GPR78: variants seen among roughly 807,000 people sequenced by gnomAD.
GPR78 encodes G protein-coupled receptor 78.
In GPR78, 29 loss-of-function variants were observed where a neutral mutation model predicts 17.9. The observed-to-expected ratio is 1.62, with a 90% CI of 1.20 to 2.21. The LOEUF is 2.21. Among genes scored for constraint, GPR78 ranks in the 30% most tolerant of loss-of-function variants. GPR78 has a pLI of 0.00. For synonymous variants in GPR78, 349 were observed against 256.9 expected (o/e 1.36, Z -3.43); for missense variants, 649 against 530.5 (o/e 1.22, Z -2.19).
Position 8,581,360 on chromosome 4 carries a change from G to C in GPR78, c.378G>C (p.Leu126=). The C allele has an allele frequency of 1.3e-6, 2 of 1,580,840 alleles. No individual in the cohort carries two copies. Among genetic ancestry groups the C allele is most frequent in the South Asian group, 2.3e-5 (2 of 88,508 alleles). ...TGCGACCGCGCTATGCCGGCCTGCTGCTGGGCTGTGCCTGGGGACAGTCGC... is the reference window on the plus strand; with the variant it reads ...TGCGACCGCGCTATGCCGGCCTGCTCCTGGGCTGTGCCTGGGGACAGTCGC... ...GRLRPRYAGL[L]LGCAWGQSLA... Residue 126 remains leucine, a synonymous_variant, in exon 1 of 3, where the codon CTG becomes CTC. Transcript: ENST00000382487.
In GPR78 at chr4:8,582,556, C is replaced by A. The variant is rs1401948451; in HGVS notation, c.694C>A (p.Gln232Lys). Residue 232 changes from glutamine (Q) to lysine (K), a missense_variant, in exon 2 of 3, where the codon CAG becomes AAG. Coordinates refer to ENST00000382487, the MANE Select transcript of GPR78 (RefSeq NM_080819.5). ...PSVRQRCLIQ[Q>K]KRRRHRATRK... ...TGTGCGGCAGCGCTGCCTCATCCAG[C>A]AGAAGCGGCGCCGCCACCGCGCCAC... 1 of 1,610,372 alleles carries A rather than the reference C, an allele frequency of 6.2e-7. No homozygotes were observed. Among genetic ancestry groups the A allele is most frequent in the Admixed American group, 1.7e-5 (1 of 60,026 alleles).
intron 2 of GPR78, 80 bp downstream of exon 2, chr4:8,582,724 C>G: frequency 1.1e-6 from 1 of 899,572 alleles, no homozygotes; most frequent in Non-Finnish European, 1.9e-6. Context: ...CTGAGGTTTC[C>G]CAGCAAGATA....
rs1186457224 is a variant in GPR78, at chr4:8,580,452, G to T, written c.-531G>T. 2 of 153,744 alleles carry T rather than the reference G, an allele frequency of 1.3e-5. No homozygotes were observed. The highest frequency in any genetic ancestry group is 2.9e-5 in the Non-Finnish European group (2 of 69,254). 9.5% of individuals were successfully genotyped at this position (153,744 alleles called of 1,614,324 possible). A position where few individuals can be genotyped will look rare whatever the true frequency, so the allele number is the denominator to read the frequency against. On this transcript the variant is annotated 5_prime_UTR_variant, in exon 1 of 3. Coordinates refer to ENST00000382487, the MANE Select transcript of GPR78 (RefSeq NM_080819.5). ...TGGAGGGAGAGGCGTGGCGAGGGCT[G>T]TGCTGCCTAGGATCCACTGAGTGGC...
At position 8,581,634 on chromosome 4, in the gene GPR78, G is replaced by A. The variant is rs1244951368; in HGVS notation, c.652G>A (p.Ala218Thr). ...CACCATGAAGGCGCTCGCGCTGCTCGCCGACCTGCACCCCAGGTATTGGCC... is the reference window on the plus strand; with the variant it reads ...CACCATGAAGGCGCTCGCGCTGCTCACCGACCTGCACCCCAGGTATTGGCC... Reference protein sequence around the residue: ...TVTMKALALLADLHPSVRQRC... With the variant: ...TVTMKALALLTDLHPSVRQRC... Residue 218 changes from alanine (A) to threonine (T), a missense_variant, in exon 1 of 3, where the codon GCC becomes ACC. Transcript: ENST00000382487. 4.0e-6 allele frequency: 6 copies of A among 1,486,794 alleles called. No individual in the cohort carries two copies. Among genetic ancestry groups the A allele is most frequent in the Admixed American group, 2.2e-5 (1 of 45,470 alleles). The allele number at this position is 1,486,794 out of a possible 1,614,324, so 92.1% of individuals were successfully genotyped here.
rs1428746617 is a variant in GPR78, at chr4:8,581,429, C to T, written c.447C>T (p.Tyr149=). ...GAALGCSWLG[Y]SSAFASCSLR... is the part of the protein sequence containing the mutation. ...CACTTGGCTGCTCGTGGCTTGGCTA[C>T]AGCAGCGCCTTCGCGTCCTGTTCGC... Residue 149 remains tyrosine (Y), a synonymous_variant, in exon 1 of 3, where the codon TAC becomes TAT. Transcript: ENST00000382487. 1 of 1,588,892 alleles carries T rather than the reference C, an allele frequency of 6.3e-7. No individual in the cohort carries two copies. Among genetic ancestry groups the T allele is most frequent in the South Asian group, 1.1e-5 (1 of 89,550 alleles).
chr4:8,585,876 C>T (rs1713483616), intron 2 of GPR78, among the ~76,000 whole-genome samples: 1 of 152,220 alleles, frequency 6.6e-6, no homozygotes, highest in South Asian at 2.1e-4. Flanking sequence ...CCAGCAGCTG[C>T]TGTGTTTGTG....
At chr4:8,584,976 C>G (rs1157580716) in intron 2 of GPR78, among the ~76,000 whole-genome samples, 1 of 152,264 alleles carries the variant, frequency 6.6e-6, no homozygotes, top group Non-Finnish European at 1.5e-5. Context: ...TTAGAAATAA[C>G]TCCAAGTCAC....
rs1290076539 is a variant in GPR78 at position 8,581,472 on chromosome 4, C to T, written c.490C>T (p.Pro164Ser). 3.6e-5 allele frequency: 58 copies of T among 1,591,870 alleles called. No individual in the cohort carries two copies. The highest frequency in any genetic ancestry group is 4.9e-5 in the Non-Finnish European group (58 of 1,176,904). The part of the protein sequence containing the change: ...ASCSLRLPPE[P>S]ERPRFAAFTA... ...CTGTTCGCTGCGCCTGCCGCCCGAGCCTGAGCGTCCGCGCTTCGCAGCCTT... is the reference window on the plus strand; with the variant it reads ...CTGTTCGCTGCGCCTGCCGCCCGAGTCTGAGCGTCCGCGCTTCGCAGCCTT... Residue 164 changes from proline to serine, a missense_variant, in exon 1 of 3, where the codon CCT (proline) becomes TCT (serine). Transcript: ENST00000382487.
rs1037853319 is a variant in GPR78 at position 8,588,315 on chromosome 4, G to C, written c.*952G>C. On this transcript the variant is annotated 3_prime_UTR_variant, in exon 3 of 3. Coordinates refer to ENST00000382487, the MANE Select transcript of GPR78 (RefSeq NM_080819.5). ...CCAAGAGAAGGTGGAGCATCCCTGAGTAGTGGTGTGCATCACCCCCAGTTT... is the reference window on the plus strand; with the variant it reads ...CCAAGAGAAGGTGGAGCATCCCTGACTAGTGGTGTGCATCACCCCCAGTTT... Among the ~76,000 whole-genome samples the C allele has an allele frequency of 6.6e-6, 1 of 152,184 alleles. No individual in the cohort carries two copies. The highest frequency in any genetic ancestry group is 1.5e-5 in the Non-Finnish European group (1 of 68,032).
intron 2 of GPR78, among the ~76,000 whole-genome samples, chr4:8,584,263 G>A (rs183162658): frequency 6.6e-5 from 10 of 152,272 alleles, no homozygotes; most frequent in Admixed American, 5.9e-4. Context: ...ATTTTCCTGT[G>A]TGTTTACAAT....
rs780974281 is a variant in GPR78 at position 8,580,994 on chromosome 4, C to A, written c.12C>A (p.Gly4=). The change falls in exon 1 of 3, where the codon GGC becomes GGA. Residue 4 remains glycine (G), a synonymous_variant. Coordinates refer to ENST00000382487, the MANE Select transcript of GPR78 (RefSeq NM_080819.5). The stretch of plus-strand genomic sequence containing the variant: ...GAGCCGCTAGCGCCATGGGCCCCGG[C>A]GAGGCGCTGCTGGCGGGTCTCCTGG... MGP[G]EALLAGLLVM... 14 of 1,585,576 alleles carry A rather than the reference C, an allele frequency of 8.8e-6. No homozygotes were observed. The highest frequency in any genetic ancestry group is 1.2e-5 in the Non-Finnish European group (14 of 1,167,418).
At position 8,587,919 on chromosome 4, in the gene GPR78, A is replaced by G. The variant is rs1713580451; in HGVS notation, c.*556A>G. On this transcript the variant is annotated 3_prime_UTR_variant, in exon 3 of 3. Transcript: ENST00000382487. ...TGATAGTCTGTGGTCAGGACCTGGCAGGCACGGGCAGTCCCTGGGACATGC... is the reference window on the plus strand; with the variant it reads ...TGATAGTCTGTGGTCAGGACCTGGCGGGCACGGGCAGTCCCTGGGACATGC... Among the ~76,000 whole-genome samples, 1 of 152,220 alleles carries G rather than the reference A, an allele frequency of 6.6e-6. No individual in the cohort carries two copies. The highest frequency in any genetic ancestry group is 1.5e-5 in the Non-Finnish European group (1 of 68,034).
Position 8,587,685 on chromosome 4 carries a change from G to T in GPR78, c.*322G>T. On this transcript the variant is annotated 3_prime_UTR_variant, in exon 3 of 3. Coordinates refer to ENST00000382487, the MANE Select transcript of GPR78 (RefSeq NM_080819.5). ...AGTGGGTAGGGAAGTGCCCTGTGTGGCATATGGTACTCGTGGGCGTGCTAT... is the reference window on the plus strand; with the variant it reads ...AGTGGGTAGGGAAGTGCCCTGTGTGTCATATGGTACTCGTGGGCGTGCTAT... The T allele has an allele frequency of 4.5e-6, 2 of 446,644 alleles. No individual in the cohort carries two copies. Among genetic ancestry groups the T allele is most frequent in the Non-Finnish European group, 8.2e-6 (2 of 244,476 alleles). The allele number at this position is 446,644 out of a possible 1,614,324, so 27.7% of individuals were successfully genotyped here. A position where few individuals can be genotyped will look rare whatever the true frequency, so the allele number is the denominator to read the frequency against.
intron 2 of GPR78, among the ~76,000 whole-genome samples, chr4:8,583,353 G>A (rs936928883): frequency 1.4e-5 from 2 of 145,942 alleles, no homozygotes; most frequent in African/African-American, 5.1e-5. Context: ...GATGGTGACT[G>A]CTTGCTATTA....
At chr4:8,584,734 C>G (rs1713430532) in intron 2 of GPR78, among the ~76,000 whole-genome samples, 1 of 152,240 alleles carries the variant, frequency 6.6e-6, no homozygotes, top group South Asian at 2.1e-4. Flanking sequence ...ATCAGAACCT[C>G]ACTCCTGAGT....
At chr4:8,583,307 G>T (rs1468482825) in intron 2 of GPR78, among the ~76,000 whole-genome samples, 3 of 152,198 alleles carry the variant, frequency 2.0e-5, no homozygotes, top group African/African-American at 7.2e-5. Context: ...TTGCTGGAAG[G>T]CACCGTGGTT....
In GPR78 at chr4:8,589,300, G is replaced by A. The variant is rs1027443008; in HGVS notation, c.*1937G>A. Among the ~76,000 whole-genome samples, 7 of 152,124 alleles carry A rather than the reference G, an allele frequency of 4.6e-5. No individual in the cohort carries two copies. Among genetic ancestry groups the A allele is most frequent in the African/African-American group, 9.7e-5 (4 of 41,412 alleles). On this transcript the variant is annotated 3_prime_UTR_variant, in exon 3 of 3. Coordinates refer to ENST00000382487, the MANE Select transcript of GPR78 (RefSeq NM_080819.5). ...TTGGAATAATAACAACTATAGGTAT[G>A]TGGTCAGGAAGCAGTTAAAAACATT...
Position 8,589,833 on chromosome 4 carries a change from TAG to T in GPR78, c.*2471_*2472del, listed in dbSNP as rs1236193755. On this transcript the variant is annotated 3_prime_UTR_variant, in exon 3 of 3. Coordinates refer to ENST00000382487, the MANE Select transcript of GPR78 (RefSeq NM_080819.5). ...ATGGAATGTTCTGGAGCAGGCATCT[TAG>T]GGCATTCCCTCCGCACTTCTCTGCC... Among the ~76,000 whole-genome samples, 2 of 152,072 alleles carry T rather than the reference TAG, an allele frequency of 1.3e-5. No individual in the cohort carries two copies. Among genetic ancestry groups the T allele is most frequent in the Non-Finnish European group, 2.9e-5 (2 of 68,028 alleles).
chr4:8,586,971 G>A, intron 2 of GPR78, 83 bp from the exon 3 acceptor site: 1 of 1,242,774 alleles, frequency 8.0e-7, no homozygotes, highest in South Asian at 1.4e-5. Flanking sequence ...ACTTGAGTAT[G>A]GTTCTAGCAC....
Sources: gnomAD v4.1 joint callset for allele counts (sites outside exome capture counted in the v4.1 genomes callset) on GRCh38, gnomAD v4.1.1 for gene constraint, MANE v1.5 for transcripts, NCBI Gene and HGNC (gene_info 2026-07-23, HGNC 2026-07-21) for gene names.